Variants in LRRIQ3 observed in about 807,000 individuals in gnomAD.
LRRIQ3 encodes the protein leucine-rich repeat and IQ domain-containing protein 3.
LRRIQ3 carries 75 observed loss-of-function variants against 59.3 expected under a neutral mutation model. The observed-to-expected ratio is 1.26, with a 90% CI of 1.05 to 1.53. LRRIQ3 has a LOEUF of 1.53. Ranked by LOEUF, LRRIQ3 falls within the 40% of genes most tolerant of loss-of-function variation. LRRIQ3 has a pLI of 0.00. For missense variants in LRRIQ3, 831 were observed against 710.0 expected (o/e 1.17, Z -1.94); for synonymous variants, 250 against 231.3 (o/e 1.08, Z -0.73).
At chr1:74,122,066 C>T (rs1646866043) in intron 4 of LRRIQ3, among the ~76,000 whole-genome samples, 1 of 151,992 alleles carries the variant, frequency 6.6e-6, no homozygotes, top group Non-Finnish European at 1.5e-5. Flanking sequence ...GTCTTTATAG[C>T]AGCATGATTT....
chr1:74,121,223 C>A (rs1470231951), intron 4 of LRRIQ3, among the ~76,000 whole-genome samples: 1 of 152,144 alleles, frequency 6.6e-6, no homozygotes, highest in Non-Finnish European at 1.5e-5. Context: ...ATATTATACT[C>A]ACCTTGAGTC....
intron 3 of LRRIQ3, among the ~76,000 whole-genome samples, chr1:74,173,164 G>A (rs575418870): frequency 2.0e-5 from 3 of 152,040 alleles, no homozygotes; most frequent in African/African-American, 7.2e-5. Context: ...GGGCGTGGTA[G>A]CGGGCACCTA....
intron 4 of LRRIQ3, among the ~76,000 whole-genome samples, chr1:74,125,922 G>T (rs765550726): frequency 2.8e-4 from 43 of 151,784 alleles, no homozygotes; most frequent in African/African-American, 7.7e-4. Flanking sequence ...GTTTGAATAG[G>T]ATTGGTGTTA....
chr1:74,083,891 C>T (rs1646298874), intron 5 of LRRIQ3: 2 of 291,808 alleles, frequency 6.9e-6, no homozygotes, highest in East Asian at 1.2e-4. Context: ...CTCTGCAAAG[C>T]AATTTTTATG....
intron 5 of LRRIQ3, among the ~76,000 whole-genome samples, chr1:74,107,110 T>C (rs1343618870): frequency 6.6e-6 from 1 of 152,036 alleles, no homozygotes; most frequent in Non-Finnish European, 1.5e-5. Flanking sequence ...ATTTCCTAAG[T>C]GAATGTAGCT....
chr1:74,163,580 G>T (rs1488297759), intron 3 of LRRIQ3, among the ~76,000 whole-genome samples: 3 of 151,594 alleles, frequency 2.0e-5, no homozygotes, highest in African/African-American at 7.3e-5. Flanking sequence ...TGCTGCATGT[G>T]TATCAATAAT....
chr1:74,042,489 G>A (rs1039858941), intron 6 of LRRIQ3, among the ~76,000 whole-genome samples: 9 of 152,046 alleles, frequency 5.9e-5, no homozygotes, highest in African/African-American at 1.7e-4. Flanking sequence ...CTTGACTGCT[G>A]TGATTGGCTA....
At chr1:74,196,081 A>G (rs1485498509) in intron 1 of LRRIQ3, among the ~76,000 whole-genome samples, 1 of 152,094 alleles carries the variant, frequency 6.6e-6, no homozygotes, top group Non-Finnish European at 1.5e-5. Context: ...ATAATATGGT[A>G]TATTTATTTC....
intron 7 of LRRIQ3, among the ~76,000 whole-genome samples, chr1:74,027,570 C>T (rs145691147): frequency 1.1e-3 from 170 of 152,172 alleles, no homozygotes; most frequent in African/African-American, 3.6e-3. Context: ...CCTGCTGACA[C>T]TTTGTTCTTG....
At chr1:74,050,920 G>A (rs1022917611) in intron 6 of LRRIQ3, among the ~76,000 whole-genome samples, 2 of 151,986 alleles carry the variant, frequency 1.3e-5, no homozygotes, top group African/African-American at 2.4e-5. Flanking sequence ...CATTACACAC[G>A]CACATATACT....
intron 5 of LRRIQ3, among the ~76,000 whole-genome samples, chr1:74,105,272 G>A (rs1310187593): frequency 8.0e-6 from 1 of 125,110 alleles, no homozygotes; most frequent in African/African-American, 3.0e-5. Flanking sequence ...TTTTTTTTTT[G>A]AGACAGTCTT....
At chr1:74,153,339 T>C (rs1423935108) in intron 4 of LRRIQ3, among the ~76,000 whole-genome samples, 1 of 152,194 alleles carries the variant, frequency 6.6e-6, no homozygotes, top group Non-Finnish European at 1.5e-5. Flanking sequence ...TACTTAAAGT[T>C]AAAAATTTCA....
chr1:74,115,012 C>T (rs1646759089), intron 4 of LRRIQ3, among the ~76,000 whole-genome samples: 1 of 151,648 alleles, frequency 6.6e-6, no homozygotes, highest in South Asian at 2.1e-4. Flanking sequence ...TTTTCATTTT[C>T]TTTCTAAAAT....
intron 5 of LRRIQ3, among the ~76,000 whole-genome samples, chr1:74,100,458 A>G (rs936264839): frequency 6.6e-6 from 1 of 152,198 alleles, no homozygotes; most frequent in East Asian, 1.9e-4. Context: ...GGAAGAATCA[A>G]TATCATGAAA....
At chr1:74,084,792 T>G (rs1646309339) in intron 5 of LRRIQ3, among the ~76,000 whole-genome samples, 1 of 151,822 alleles carries the variant, frequency 6.6e-6, no homozygotes, top group Non-Finnish European at 1.5e-5. Flanking sequence ...TAATTTTCTT[T>G]AATAACCCTT....
chr1:74,159,471 A>G (rs2100676033), intron 3 of LRRIQ3, among the ~76,000 whole-genome samples: 1 of 152,214 alleles, frequency 6.6e-6, no homozygotes, highest in African/African-American at 2.4e-5. Context: ...AATGTCAATC[A>G]ATTTATTCTT....
chr1:74,108,426 T>A (rs1445035362), intron 5 of LRRIQ3, among the ~76,000 whole-genome samples: 1 of 151,846 alleles, frequency 6.6e-6, no homozygotes, highest in Non-Finnish European at 1.5e-5. Flanking sequence ...TTGCCTTTTG[T>A]ATCCTATGTT....
chr1:74,151,346 T>C (rs1311303864), intron 4 of LRRIQ3, among the ~76,000 whole-genome samples: 1 of 152,158 alleles, frequency 6.6e-6, no homozygotes, highest in Non-Finnish European at 1.5e-5. Flanking sequence ...GTGACATAGT[T>C]TTCTAATTTC....
At chr1:74,081,248 T>C (rs567309919) in intron 5 of LRRIQ3, among the ~76,000 whole-genome samples, 15 of 151,762 alleles carry the variant, frequency 9.9e-5, no homozygotes, top group South Asian at 8.3e-4. Flanking sequence ...ATTTCTCTTC[T>C]ACACACAACT....
Sources: allele counts gnomAD v4.1 joint callset (sites outside exome capture counted in the v4.1 genomes callset), GRCh38; gene constraint gnomAD v4.1.1; transcripts MANE v1.5; gene names NCBI Gene and HGNC (gene_info 2026-07-23, HGNC 2026-07-21).